The following CNTNAP5 variants were observed in gnomAD, a reference collection of about 807,000 sequenced individuals.
The protein encoded by CNTNAP5 is contactin-associated protein-like 5.
CNTNAP5 carries 72 observed loss-of-function variants against 150.2 expected under a neutral mutation model. The ratio of observed to expected loss-of-function variants is 0.48; its 90% CI spans 0.40 to 0.58. The LOEUF (loss-of-function observed/expected upper bound fraction) is 0.58. Among genes scored for constraint, CNTNAP5 ranks in the 20% least tolerant of loss-of-function variants. The probability of loss-of-function intolerance (pLI) is 0.00; values close to 1 mark genes in which losing one functional copy is unlikely to be tolerated. For missense variants in CNTNAP5, 1,636 were observed against 1,626.2 expected, an observed-to-expected ratio of 1.01 and a Z score of -0.10; for synonymous variants, 672 against 619.8, an observed-to-expected ratio of 1.08 and a Z score of -1.25.
intron 1 of CNTNAP5, among the ~76,000 whole-genome samples, chr2:124,068,820 C>T (rs947788429): frequency 5.9e-5 from 9 of 151,808 alleles, no homozygotes; most frequent in African/African-American, 2.2e-4. Flanking sequence ...TATCCCAGGC[C>T]CTAGCTCCCA....
At chr2:124,515,828 G>C (rs994892018) in intron 8 of CNTNAP5, among the ~76,000 whole-genome samples, 4 of 152,168 alleles carry the variant, frequency 2.6e-5, no homozygotes, top group Admixed American at 2.6e-4. Context: ...TTGGAAAATA[G>C]CCTGAAAAGA....
intron 1 of CNTNAP5, among the ~76,000 whole-genome samples, chr2:124,180,422 T>C (rs1685182273): frequency 6.6e-6 from 1 of 152,188 alleles, no homozygotes; most frequent in African/African-American, 2.4e-5. Context: ...TTAGACCCCA[T>C]TTTGTTCCAA....
intron 3 of CNTNAP5, among the ~76,000 whole-genome samples, chr2:124,370,654 G>A (rs1055067240): frequency 6.6e-6 from 1 of 152,112 alleles, no homozygotes; most frequent in African/African-American, 2.4e-5. Flanking sequence ...TTATTGATTT[G>A]AGATTTGATA....
chr2:124,126,603 C>A lies in CNTNAP5; in HGVS notation c.83-95102C>A, dbSNP rs1365377779. Among the ~76,000 whole-genome samples, 3 of 149,814 alleles carry A rather than the reference C, an allele frequency of 2.0e-5. No individual in the cohort carries two copies. The South Asian group carries it at 6.3e-4, about 31-fold the overall frequency. On this transcript the variant is annotated intron_variant, in intron 1 of 23. Coordinates refer to ENST00000682447, the MANE Select transcript of CNTNAP5 (RefSeq NM_001367498.1). Reference sequence around the variant, plus strand: ...ATACCAAAGCCTGGCAGAGACACAACAAAAAAAGAGAATTTTAGTCCAATA... The same window carrying A: ...ATACCAAAGCCTGGCAGAGACACAAAAAAAAAAGAGAATTTTAGTCCAATA...
At chr2:124,773,432 C>A (rs1681249719) in intron 17 of CNTNAP5, among the ~76,000 whole-genome samples, 1 of 152,118 alleles carries the variant, frequency 6.6e-6, no homozygotes, top group South Asian at 2.1e-4. Flanking sequence ...GATATCCATG[C>A]AATGATATAG....
At position 124,221,791 on chromosome 2, in the gene CNTNAP5, C is replaced by A; in HGVS notation, c.169C>A (p.Gln57Lys). 6.2e-7 allele frequency: 1 copy of A among 1,608,388 alleles called. No homozygotes were observed. The highest frequency in any genetic ancestry group is 8.5e-7 in the Non-Finnish European group (1 of 1,176,814). The change falls in exon 2 of 24, where the codon CAA becomes AAA. Residue 57 changes from glutamine (Q) to lysine (K), a missense_variant. Gln to Lys is a moderately conservative substitution (Grantham distance 53). Coordinates refer to ENST00000682447, the MANE Select transcript of CNTNAP5 (RefSeq NM_001367498.1). The stretch of plus-strand genomic sequence containing the variant: ...CCTCACTGGCACTCACAGCCCAGCT[C>A]AACTCAACTGGAGAGTTGGTAAGTA... ...SDLTGTHSPA[Q>K]LNWRVGTGGW...
chr2:124,349,810 G>T (rs1214577794), intron 3 of CNTNAP5, among the ~76,000 whole-genome samples: 2 of 147,118 alleles, frequency 1.4e-5, no homozygotes, highest in South Asian at 2.2e-4. Flanking sequence ...GCCTAATGCA[G>T]TGTAGCCATC....
At chr2:124,640,407 G>T (rs1218571496) in intron 12 of CNTNAP5, among the ~76,000 whole-genome samples, 1 of 152,182 alleles carries the variant, frequency 6.6e-6, no homozygotes, top group Non-Finnish European at 1.5e-5. Flanking sequence ...AGCCCGCCAC[G>T]CTGCGGTGTC....
chr2:124,746,467 G>C (rs927938633), intron 13 of CNTNAP5, among the ~76,000 whole-genome samples: 1 of 152,286 alleles, frequency 6.6e-6, no homozygotes, highest in Middle Eastern at 3.4e-3. Context: ...ACAAGGGTTT[G>C]TTTGGTCCAC....
At chr2:124,170,816 T>G (rs1529293) in intron 1 of CNTNAP5, among the ~76,000 whole-genome samples, 1 of 151,840 alleles carries the variant, frequency 6.6e-6, no homozygotes, top group South Asian at 2.1e-4. Flanking sequence ...GACAGGTAAT[T>G]GGGGAAGAAC....
intron 3 of CNTNAP5, among the ~76,000 whole-genome samples, chr2:124,338,639 A>C (rs987111314): frequency 6.6e-6 from 1 of 152,104 alleles, no homozygotes; most frequent in African/African-American, 2.4e-5. Flanking sequence ...GGGTTTTAAT[A>C]CAATTGCAAT....
chr2:124,382,148 G>A (rs1302993619), intron 3 of CNTNAP5, among the ~76,000 whole-genome samples: 1 of 152,182 alleles, frequency 6.6e-6, no homozygotes, highest in African/African-American at 2.4e-5. Flanking sequence ...GGAAGAATGG[G>A]CAGGAGGGTT....
At chr2:124,878,097 T>G (rs981934441) in intron 21 of CNTNAP5, among the ~76,000 whole-genome samples, 1 of 152,060 alleles carries the variant, frequency 6.6e-6, no homozygotes, top group Admixed American at 6.6e-5. Context: ...GATATGAAAA[T>G]TTCACACAAT....
intron 1 of CNTNAP5, among the ~76,000 whole-genome samples, chr2:124,038,540 T>C (rs1681283015): frequency 1.3e-5 from 2 of 152,224 alleles, no homozygotes; most frequent in Non-Finnish European, 2.9e-5. Context: ...TTAATCAATG[T>C]AGTGTTCTAG....
intron 7 of CNTNAP5, among the ~76,000 whole-genome samples, chr2:124,482,794 AAGG>A (rs1444697351): frequency 6.6e-6 from 1 of 152,130 alleles, no homozygotes; most frequent in Non-Finnish European, 1.5e-5. Context: ...CTCTGGGTTG[AAGG>A]AGAAGGAGGC....
intron 1 of CNTNAP5, among the ~76,000 whole-genome samples, chr2:124,117,930 C>G (rs1683466976): frequency 6.6e-6 from 1 of 151,958 alleles, no homozygotes; most frequent in Non-Finnish European, 1.5e-5. Context: ...CAAAAAAATA[C>G]AAAACATTAG....
intron 13 of CNTNAP5, among the ~76,000 whole-genome samples, chr2:124,670,238 TTTTC>T (rs1236198685): frequency 3.7e-4 from 52 of 139,830 alleles, no homozygotes; most frequent in East Asian, 7.9e-4. Context: ...TCTTTCTTTC[TTTTC>T]TTTCTTTCTT....
rs1286753027 is a variant in CNTNAP5 at position 124,851,337 on chromosome 2, CAA to C, written c.3218-13966_3218-13965del. ...TGCCACTGCACTCCAGCCTGGGCAA[CAA>C]AAGAGAAACTCCATCCAAAAAAAGA... On this transcript the variant is annotated intron_variant, in intron 19 of 23. Transcript: ENST00000682447. 3.9e-5 allele frequency among the ~76,000 whole-genome samples: 6 copies of C among 152,138 alleles called. No homozygotes were observed. The East Asian group carries it at 1.2e-3, about 29-fold the overall frequency.
chr2:124,688,197 A>G (rs987506547), intron 13 of CNTNAP5, among the ~76,000 whole-genome samples: 1 of 152,060 alleles, frequency 6.6e-6, no homozygotes, highest in African/African-American at 2.4e-5. Flanking sequence ...CTCTAATTGG[A>G]CTTTGTTTTG....
Sources: gnomAD v4.1 joint callset for allele counts (sites outside exome capture counted in the v4.1 genomes callset) on GRCh38, gnomAD v4.1.1 for gene constraint, MANE v1.5 for transcripts, NCBI Gene and HGNC (gene_info 2026-07-23, HGNC 2026-07-21) for gene names.